The following GALNT14 variants were observed in gnomAD, a reference collection of about 807,000 sequenced individuals.
The protein encoded by GALNT14 is UDP-GalNAc:polypeptide N-acetylgalactosaminyltransferase 14.
A neutral mutation model predicts 77.5 loss-of-function variants in GALNT14; 60 were observed. That is an observed-to-expected ratio of 0.77 (90% CI 0.63 to 0.96). The LOEUF (loss-of-function observed/expected upper bound fraction) is 0.96. Ranked by LOEUF, GALNT14 falls within the 40% of genes least tolerant of loss-of-function variation. GALNT14 has a pLI of 0.00. For missense variants in GALNT14, 710 were observed against 731.0 expected (o/e 0.97, Z 0.33); for synonymous variants, 280 against 281.7 (o/e 0.99, Z 0.06).
chr2:31,000,435 C>CTGTGTGTGTGTGTG lies in GALNT14; in HGVS notation c.130-7442_130-7429dup, dbSNP rs3223043. Reference sequence around the variant, plus strand: ...GGGTTCTACAGAAAAATATCACCAACTGTGTGTGTGTGTGTGTGTGTGTGT... The same window carrying CTGTGTGTGTGTGTG: ...GGGTTCTACAGAAAAATATCACCAACTGTGTGTGTGTGTGTGTGTGTGTGTGTGTGTGTGTGTGT... On this transcript the variant is annotated intron_variant, in intron 1 of 14. Coordinates refer to ENST00000349752, the MANE Select transcript of GALNT14 (RefSeq NM_024572.4). Among the ~76,000 whole-genome samples, 1,020 of 146,070 alleles carry CTGTGTGTGTGTGTG rather than the reference C, an allele frequency of 7.0e-3. 7 individuals carry two copies. The highest frequency in any genetic ancestry group is 7.9e-3 in the African/African-American group (313 of 39,572).
chr2:30,984,019 T>A (rs931730051), intron 2 of GALNT14, among the ~76,000 whole-genome samples: 2 of 152,224 alleles, frequency 1.3e-5, no homozygotes, highest in Admixed American at 6.5e-5. Context: ...GTGGAGTTAA[T>A]CTGCTAGTCT....
chr2:31,023,918 A>G (rs10174368), intron 1 of GALNT14, among the ~76,000 whole-genome samples: 65,640 of 151,886 alleles, frequency 0.43, 14,397 homozygotes, highest in East Asian at 0.55. Flanking sequence ...CCAAATTTAT[A>G]TCTTTGCCTC....
chr2:30,889,805 T>C, the GALNT14 span, among the ~76,000 whole-genome samples: 2 of 152,232 alleles, frequency 1.3e-5, no homozygotes, highest in Non-Finnish European at 2.9e-5. Flanking sequence ...GCAAATACTG[T>C]GGAGTCTGAA....
the GALNT14 span, among the ~76,000 whole-genome samples, chr2:30,898,454 T>C: frequency 1.3e-5 from 2 of 152,218 alleles, no homozygotes; most frequent in Admixed American, 6.5e-5. Flanking sequence ...GGCTCTGTAC[T>C]GAGAACCTCA....
At chr2:30,961,239 G>A (rs964345606) in intron 3 of GALNT14, among the ~76,000 whole-genome samples, 1 of 152,252 alleles carries the variant, frequency 6.6e-6, no homozygotes, top group African/African-American at 2.4e-5. Flanking sequence ...TTTTGTGCCT[G>A]TGAAATAAGG....
At chr2:31,122,492 C>T (rs1055799121) in intron 1 of GALNT14, among the ~76,000 whole-genome samples, 1 of 152,222 alleles carries the variant, frequency 6.6e-6, no homozygotes, top group African/African-American at 2.4e-5. Flanking sequence ...TGAGCAAGCA[C>T]ATCATCTAAT....
chr2:31,070,613 C>T (rs1479103686), intron 1 of GALNT14, among the ~76,000 whole-genome samples: 1 of 152,204 alleles, frequency 6.6e-6, no homozygotes, highest in Admixed American at 6.5e-5. Flanking sequence ...CCAGCACAGC[C>T]GAAACAAACA....
At chr2:31,091,350 T>A (rs965679541) in intron 1 of GALNT14, among the ~76,000 whole-genome samples, 2 of 152,252 alleles carry the variant, frequency 1.3e-5, no homozygotes, top group African/African-American at 4.8e-5. Context: ...TTACATATCA[T>A]CTGTGGATGC....
chr2:31,091,842 T>C (rs1261093349), intron 1 of GALNT14, among the ~76,000 whole-genome samples: 7 of 152,130 alleles, frequency 4.6e-5, no homozygotes, highest in Admixed American at 4.6e-4. Flanking sequence ...GGTGTGTCTG[T>C]GAGGGTGTTG....
intron 2 of GALNT14, among the ~76,000 whole-genome samples, chr2:30,984,535 C>T (rs1669180085): frequency 6.6e-6 from 1 of 152,164 alleles, no homozygotes. Flanking sequence ...AAGACTTTGC[C>T]ACAACATGTC....
At chr2:31,078,953 G>T in intron 1 of GALNT14, 2 of 1,289,330 alleles carry the variant, frequency 1.6e-6, no homozygotes, top group Non-Finnish European at 2.0e-6. Context: ...CTCATCTTGG[G>T]CCATGGCTGT....
At chr2:31,075,524 T>C (rs1558550699) in intron 1 of GALNT14, among the ~76,000 whole-genome samples, 1 of 152,184 alleles carries the variant, frequency 6.6e-6, no homozygotes, top group African/African-American at 2.4e-5. Flanking sequence ...ATGCAGAATG[T>C]GTGTCACAGC....
At chr2:31,027,134 G>A (rs1672109224) in intron 1 of GALNT14, among the ~76,000 whole-genome samples, 1 of 152,232 alleles carries the variant, frequency 6.6e-6, no homozygotes, top group African/African-American at 2.4e-5. Flanking sequence ...TTGCATGAGT[G>A]TTAAAAACAG....
At chr2:31,067,974 GT>G (rs1329927943) in intron 1 of GALNT14, among the ~76,000 whole-genome samples, 1 of 152,124 alleles carries the variant, frequency 6.6e-6, no homozygotes, top group African/African-American at 2.4e-5. Context: ...CTTCCTTCGT[GT>G]GGGCCTTGAC....
At chr2:31,117,736 A>T (rs992346998) in intron 1 of GALNT14, among the ~76,000 whole-genome samples, 3 of 152,184 alleles carry the variant, frequency 2.0e-5, no homozygotes, top group Admixed American at 6.5e-5. Flanking sequence ...ACGTGAAAAG[A>T]CCTGTTACCA....
intron 1 of GALNT14, among the ~76,000 whole-genome samples, chr2:31,008,528 C>G (rs763899529): frequency 6.6e-6 from 1 of 152,110 alleles, no homozygotes; most frequent in South Asian, 2.1e-4. Context: ...AATGGCTCCC[C>G]CCAGCCTTGC....
chr2:31,064,822 GTA>G (rs1171006527), intron 1 of GALNT14, among the ~76,000 whole-genome samples: 1 of 151,970 alleles, frequency 6.6e-6, no homozygotes, highest in Non-Finnish European at 1.5e-5. Context: ...GAAGGAGTAA[GTA>G]TATTTTAAAA....
chr2:31,037,653 T>A (rs1234161724), intron 1 of GALNT14, among the ~76,000 whole-genome samples: 1 of 152,130 alleles, frequency 6.6e-6, no homozygotes, highest in Non-Finnish European at 1.5e-5. Context: ...GGGTGTGTTT[T>A]TGCTAATATT....
At chr2:31,093,040 G>C (rs1451243944) in intron 1 of GALNT14, among the ~76,000 whole-genome samples, 1 of 152,134 alleles carries the variant, frequency 6.6e-6, no homozygotes, top group African/African-American at 2.4e-5. Context: ...TCCTGTCTGA[G>C]GTTCGTTCCA....
Sources: allele counts gnomAD v4.1 joint callset (sites outside exome capture counted in the v4.1 genomes callset), GRCh38; gene constraint gnomAD v4.1.1; transcripts MANE v1.5; gene names NCBI Gene and HGNC (gene_info 2026-07-23, HGNC 2026-07-21).